Variants in ROCK2 observed in about 807,000 individuals in gnomAD.
ROCK2 encodes Rho associated coiled-coil containing protein kinase 2, also known as rho-associated protein kinase 2.
A neutral mutation model predicts 195.1 loss-of-function variants in ROCK2; 61 were observed. That is an observed-to-expected ratio of 0.31 (90% CI 0.25 to 0.39). The LOEUF is 0.39. ROCK2 is among the 10% of genes least tolerant of loss of function. The pLI, the probability that ROCK2 is intolerant of heterozygous loss-of-function variation, is 1.00. For synonymous variants in ROCK2, 504 were observed against 545.5 expected (o/e 0.92, Z 1.06); for missense variants, 1,109 against 1,637.4 (o/e 0.68, Z 5.57).
intron 4 of ROCK2, among the ~76,000 whole-genome samples, chr2:11,239,042 T>C (rs1260276063): frequency 1.3e-5 from 2 of 151,812 alleles, no homozygotes; most frequent in Non-Finnish European, 2.9e-5. Context: ...GACCCTTACC[T>C]CACACCATAA....
Position 11,287,692 on chromosome 2 carries a change from C to A in ROCK2, c.186G>T (p.Leu62Phe). ...SLVLDLDFPA[L>F]RKNKNIDNFL... Reference sequence around the variant, plus strand: ...AATTATCTATGTTCTTGTTTTTCCTCAAAGCAGGAAAATCTAAATCAAGGA... The same window carrying A: ...AATTATCTATGTTCTTGTTTTTCCTAAAAGCAGGAAAATCTAAATCAAGGA... Residue 62 changes from leucine (L) to phenylalanine (F), a missense_variant, in exon 2 of 33, where the codon TTG (leucine) becomes TTT (phenylalanine). Leu to Phe is a conservative substitution (Grantham distance 22). Coordinates refer to ENST00000315872, the MANE Select transcript of ROCK2 (RefSeq NM_004850.5). 7.6e-7 allele frequency: 1 copy of A among 1,319,878 alleles called. No homozygotes were observed. The highest frequency in any genetic ancestry group is 2.6e-5 in the East Asian group (1 of 38,582). The allele number at this position is 1,319,878 out of a possible 1,614,324, so 81.8% of individuals were successfully genotyped here. A position where few individuals can be genotyped will look rare whatever the true frequency, so the allele number is the denominator to read the frequency against.
rs1553303519 is a variant in ROCK2, at chr2:11,235,955, T to C, written c.470A>G (p.Tyr157Cys). Residue 157 changes from tyrosine (Y) to cysteine (C), a missense_variant, in exon 5 of 33, where the codon TAT (tyrosine) becomes TGT (cysteine). Transcript: ENST00000315872. The surrounding 1 kb of genome is among the most constrained non-coding windows in gnomAD (Gnocchi z 4.2). ...ANSPWVVQLF[Y>C]AFQDDRYLYM... The stretch of plus-strand genomic sequence containing the variant: ...CAGATACCTATCATCTTGAAAGGCA[T>C]AAAAAAGCTGGAAAACAAAAGGAAA... 2 of 1,424,512 alleles carry C rather than the reference T, an allele frequency of 1.4e-6. No homozygotes were observed. Among genetic ancestry groups the C allele is most frequent in the South Asian group, 1.8e-5 (1 of 55,530 alleles). 88.2% of individuals were successfully genotyped at this position (1,424,512 alleles called of 1,614,324 possible).
intron 5 of ROCK2, among the ~76,000 whole-genome samples, chr2:11,231,697 G>T (rs992298082): frequency 1.3e-5 from 2 of 151,122 alleles, no homozygotes; most frequent in South Asian, 4.2e-4. Flanking sequence ...TTTTTTTCCT[G>T]AGAGAATAAG....
intron 1 of ROCK2, among the ~76,000 whole-genome samples, chr2:11,297,168 G>A (rs1667560633): frequency 6.6e-6 from 1 of 152,042 alleles, no homozygotes; most frequent in South Asian, 2.1e-4. Context: ...GACTAGGTAG[G>A]AATTAGTATT....
intron 1 of ROCK2, among the ~76,000 whole-genome samples, chr2:11,336,699 G>T (rs1202500644): frequency 1.3e-5 from 2 of 152,186 alleles, no homozygotes; most frequent in Non-Finnish European, 2.9e-5. Context: ...AATCCAATGA[G>T]AAAACTTAAT....
intron 5 of ROCK2, chr2:11,234,460 C>T (rs1448226779): frequency 3.9e-5 from 6 of 152,048 alleles, no homozygotes; most frequent in Non-Finnish European, 8.8e-5. Context: ...TTTCATACTT[C>T]ATTTTCATTA....
At chr2:11,307,483 T>G (rs1285822031) in intron 1 of ROCK2, among the ~76,000 whole-genome samples, 1 of 152,050 alleles carries the variant, frequency 6.6e-6, no homozygotes, top group African/African-American at 2.4e-5. Context: ...CCAGCTAATT[T>G]TTGTATTTTT....
intron 32 of ROCK2, among the ~76,000 whole-genome samples, chr2:11,188,823 A>G (rs1362606482): frequency 1.3e-5 from 2 of 151,658 alleles, no homozygotes; most frequent in Admixed American, 6.6e-5. Context: ...ATGGGGTTTC[A>G]CTGTGTTAGC....
At chr2:11,196,719 T>C (rs1347413541) in intron 27 of ROCK2, among the ~76,000 whole-genome samples, 2 of 152,164 alleles carry the variant, frequency 1.3e-5, no homozygotes, top group African/African-American at 4.8e-5. Context: ...AATGGGTAAG[T>C]AAGGCAAAGA....
Position 11,305,100 on chromosome 2 carries a change from G to A in ROCK2, c.142-17364C>T, listed in dbSNP as rs146165260. On this transcript the variant is annotated intron_variant, in intron 1 of 32. Transcript: ENST00000315872. ...TTATATAAAAGATACAGGGGGCCAG[G>A]TGTGGTGGCTCATGCCTGTAATCCC... Among the ~76,000 whole-genome samples the A allele has an allele frequency of 8.5e-5, 13 of 152,352 alleles. No individual in the cohort carries two copies. The East Asian group carries it at 2.5e-3, about 29-fold the overall frequency.
intron 1 of ROCK2, among the ~76,000 whole-genome samples, chr2:11,313,194 T>G (rs1306417647): frequency 6.6e-6 from 1 of 152,108 alleles, no homozygotes; most frequent in Non-Finnish European, 1.5e-5. Context: ...TAAGGTACGA[T>G]GTTAATAACA....
intron 5 of ROCK2, among the ~76,000 whole-genome samples, chr2:11,228,914 G>A (rs1664903881): frequency 6.6e-6 from 1 of 152,032 alleles, no homozygotes; most frequent in African/African-American, 2.4e-5. Flanking sequence ...GGGTTTAAAG[G>A]AGAGAGGATG....
At chr2:11,324,306 G>A (rs1430152606) in intron 1 of ROCK2, among the ~76,000 whole-genome samples, 1 of 152,118 alleles carries the variant, frequency 6.6e-6, no homozygotes, top group Non-Finnish European at 1.5e-5. Flanking sequence ...ATGGTGGTGA[G>A]TGCCTGTACT....
At chr2:11,323,137 T>C (rs1252681676) in intron 1 of ROCK2, among the ~76,000 whole-genome samples, 3 of 152,254 alleles carry the variant, frequency 2.0e-5, no homozygotes, top group African/African-American at 4.8e-5. Flanking sequence ...TTTTCTAAGA[T>C]AGCCATCCAG....
chr2:11,287,979 CA>C (rs1419612458), intron 1 of ROCK2, among the ~76,000 whole-genome samples: 1 of 152,156 alleles, frequency 6.6e-6, no homozygotes, highest in Non-Finnish European at 1.5e-5. Flanking sequence ...AATGTAATTT[CA>C]AAACATGTAT....
Position 11,208,307 on chromosome 2 carries a change from T to A in ROCK2, c.2344A>T (p.Lys782Ter). ...CTTACATCCTCATTTAGCACATCTT[T>A]CTGTTTAAGGAGCTCATTTATTTTC... Reference protein sequence around the residue: ...QQKINELLKQKDVLNEDVRNL... With the variant: ...QQKINELLKQ Residue 782 changes from lysine (K) to a stop codon, truncating the protein, a stop_gained, in exon 19 of 33, where the codon AAA (lysine) becomes TAA (stop). Transcript: ENST00000315872. LOFTEE classifies it high-confidence loss of function. The A allele has an allele frequency of 6.9e-7, 1 of 1,455,074 alleles. No individual in the cohort carries two copies. Among genetic ancestry groups the A allele is most frequent in the Non-Finnish European group, 9.2e-7 (1 of 1,088,564 alleles). 90.1% of individuals were successfully genotyped at this position (1,455,074 alleles called of 1,614,324 possible).
intron 6 of ROCK2, 152 bp downstream of exon 6, chr2:11,227,102 C>G: frequency 1.8e-6 from 1 of 570,866 alleles, no homozygotes; most frequent in South Asian, 3.2e-5. Flanking sequence ...AATTAACAGT[C>G]TGCCCTATCA....
At chr2:11,209,763 T>C (rs1221460911) in intron 18 of ROCK2, among the ~76,000 whole-genome samples, 3 of 152,188 alleles carry the variant, frequency 2.0e-5, no homozygotes, top group African/African-American at 7.2e-5. Context: ...CTAATTATCA[T>C]CTATTATAAA....
At position 11,197,438 on chromosome 2, in the gene ROCK2, T is replaced by C. The variant is rs78197475; in HGVS notation, c.3279+88A>G. 4.6e-3 allele frequency: 7,101 copies of C among 1,528,682 alleles called. 298 individuals carry two copies. The African/African-American group carries it at 0.085, about 18-fold the overall frequency. 94.7% of individuals were successfully genotyped at this position (1,528,682 alleles called of 1,614,324 possible). A position where few individuals can be genotyped will look rare whatever the true frequency, so the allele number is the denominator to read the frequency against. On this transcript the variant is annotated intron_variant, in intron 26 of 32. Coordinates refer to ENST00000315872, the MANE Select transcript of ROCK2 (RefSeq NM_004850.5). The surrounding 1 kb of genome is among the most constrained non-coding windows in gnomAD (Gnocchi z 4.9). ...TTCAATAATAATTATTAAATAGAAATGGTCTATAACCAGTAAAACACAGAC... is the reference window on the plus strand; with the variant it reads ...TTCAATAATAATTATTAAATAGAAACGGTCTATAACCAGTAAAACACAGAC...
Sources: allele counts gnomAD v4.1 joint callset (sites outside exome capture counted in the v4.1 genomes callset), GRCh38; gene constraint gnomAD v4.1.1; non-coding constraint Gnocchi (gnomAD v3.1); transcripts MANE v1.5; gene names NCBI Gene and HGNC (gene_info 2026-07-23, HGNC 2026-07-21).